Variants in FNIP1 observed in about 807,000 individuals in gnomAD.
FNIP1 encodes the protein folliculin-interacting protein 1.
In FNIP1, 40 loss-of-function variants were observed where a neutral mutation model predicts 124.5. The ratio of observed to expected loss-of-function variants is 0.32; its 90% CI spans 0.25 to 0.42. The LOEUF (loss-of-function observed/expected upper bound fraction) is 0.42. Ranked by LOEUF, FNIP1 falls within the 10% of genes least tolerant of loss-of-function variation. The pLI, the probability that FNIP1 is intolerant of heterozygous loss-of-function variation, is 1.00. For missense variants in FNIP1, 1,176 were observed against 1,403.7 expected (o/e 0.84, Z 2.59); for synonymous variants, 472 against 470.6 (o/e 1.00, Z -0.04).
chr5:131,750,543 T>C (rs777645319), intron 1 of FNIP1, among the ~76,000 whole-genome samples: 6 of 151,298 alleles, frequency 4.0e-5, no homozygotes, highest in Admixed American at 2.6e-4. Context: ...TTCAGGTAAG[T>C]CAATAGACTA....
chr5:131,672,133 C>T lies in FNIP1; in HGVS notation c.2311G>A (p.Ala771Thr), dbSNP rs779180787. Residue 771 changes from alanine to threonine, a missense_variant, in exon 14 of 18, where the codon GCA becomes ACA. By Grantham distance (58) the Ala-to-Thr change is moderately conservative (BLOSUM62 0). Around this residue, in one of 2 missense-constraint regions of FNIP1, gnomAD observed 1,109 missense variants for 1,288.5 expected, o/e 0.86. Coordinates refer to ENST00000510461, the MANE Select transcript of FNIP1 (RefSeq NM_133372.3). ...TGTCTGGTAATCTGATCCACCACTG[C>T]CTGACTTCGAAGCTCAGTATCTGAA... ...PDSDTELRSQAVVDQITRHHT... is the reference protein window; with the variant it reads ...PDSDTELRSQTVVDQITRHHT... 6.2e-7 allele frequency: 1 copy of T among 1,614,182 alleles called. No individual in the cohort carries two copies. Among genetic ancestry groups the T allele is most frequent in the Admixed American group, 1.7e-5 (1 of 60,018 alleles).
intron 17 of FNIP1, among the ~76,000 whole-genome samples, chr5:131,646,140 C>T (rs1266039253): frequency 2.0e-5 from 3 of 152,180 alleles, no homozygotes; most frequent in Non-Finnish European, 4.4e-5. Context: ...TTTCCAAATA[C>T]TGGAGAACAA....
At chr5:131,652,173 ATAT>A (rs575740098) in intron 15 of FNIP1, among the ~76,000 whole-genome samples, 174 bp from the exon 16 acceptor site, 55 of 152,346 alleles carry the variant, frequency 3.6e-4, no homozygotes, top group Non-Finnish European at 5.1e-4. Flanking sequence ...ACCCTGAGAC[ATAT>A]TATAGATATC....
intron 15 of FNIP1, among the ~76,000 whole-genome samples, chr5:131,653,740 A>G (rs1194730053): frequency 6.6e-6 from 1 of 152,058 alleles, no homozygotes; most frequent in Admixed American, 6.6e-5. Flanking sequence ...GAACTTTTAA[A>G]TTTTTATTTA....
intron 1 of FNIP1, among the ~76,000 whole-genome samples, chr5:131,788,390 C>T (rs1772285596): frequency 6.6e-6 from 1 of 151,990 alleles, no homozygotes; most frequent in South Asian, 2.1e-4. Flanking sequence ...GATCCAAGGC[C>T]AGGTGCAGTA....
chr5:131,743,039 C>T (rs190628570), intron 2 of FNIP1, among the ~76,000 whole-genome samples: 6 of 152,044 alleles, frequency 3.9e-5, no homozygotes, highest in African/African-American at 1.2e-4. Flanking sequence ...GTAACAAATA[C>T]ACATACGAAT....
chr5:131,736,621 C>A (rs186058862), intron 2 of FNIP1, among the ~76,000 whole-genome samples: 4 of 152,322 alleles, frequency 2.6e-5, no homozygotes, highest in African/African-American at 9.6e-5. Context: ...ATTAGATCCT[C>A]ATAGGAGTTC....
At chr5:131,705,630 T>C (rs1019401263) in intron 9 of FNIP1, among the ~76,000 whole-genome samples, 2 of 152,138 alleles carry the variant, frequency 1.3e-5, no homozygotes, top group Non-Finnish European at 2.9e-5. Flanking sequence ...CCATTGTGCA[T>C]TGCTGGTGGG....
chr5:131,727,605 C>T (rs186816747), intron 3 of FNIP1, among the ~76,000 whole-genome samples: 17 of 152,242 alleles, frequency 1.1e-4, no homozygotes, highest in Non-Finnish European at 1.8e-4. Flanking sequence ...GAATACAGCA[C>T]ACTCATGGGT....
intron 13 of FNIP1, 106 bp from the exon 14 acceptor site, chr5:131,673,030 T>G: frequency 1.2e-6 from 1 of 837,928 alleles, no homozygotes; most frequent in Non-Finnish European, 1.8e-6. Flanking sequence ...GAGTAATAGT[T>G]TAGGTTTTAC....
chr5:131,751,797 A>G (rs1770880501), intron 1 of FNIP1, among the ~76,000 whole-genome samples: 2 of 152,204 alleles, frequency 1.3e-5, no homozygotes, highest in African/African-American at 4.8e-5. Flanking sequence ...TGACTTGTCC[A>G]GAATAGGCAA....
At chr5:131,763,411 T>C (rs1291906425) in intron 1 of FNIP1, among the ~76,000 whole-genome samples, 6 of 152,086 alleles carry the variant, frequency 3.9e-5, no homozygotes, top group African/African-American at 1.4e-4. Context: ...TACCTGAGAC[T>C]GTGTAATTAA....
At chr5:131,700,204 G>A (rs1580766677) in intron 10 of FNIP1, among the ~76,000 whole-genome samples, 1 of 151,920 alleles carries the variant, frequency 6.6e-6, no homozygotes, top group Admixed American at 6.6e-5. Context: ...AGATGGTCTC[G>A]ATCTCTTGAC....
Position 131,760,775 on chromosome 5 carries a change from C to G in FNIP1, c.93-16085G>C, listed in dbSNP as rs75579730. ...CCTACATGGAATAGAAAAAGAGGAGCCAAGTTTCAAAAGCTATGCATGTAG... is the reference window on the plus strand; with the variant it reads ...CCTACATGGAATAGAAAAAGAGGAGGCAAGTTTCAAAAGCTATGCATGTAG... On this transcript the variant is annotated intron_variant, in intron 1 of 17. Coordinates refer to ENST00000510461, the MANE Select transcript of FNIP1 (RefSeq NM_133372.3). Among the ~76,000 whole-genome samples, 713 of 151,958 alleles carry G rather than the reference C, an allele frequency of 4.7e-3. 8 individuals are homozygous for G. The highest frequency in any genetic ancestry group is 0.016 in the African/African-American group (677 of 41,434).
intron 15 of FNIP1, among the ~76,000 whole-genome samples, chr5:131,654,783 T>C (rs999282130): frequency 1.3e-5 from 2 of 152,002 alleles, no homozygotes; most frequent in African/African-American, 4.8e-5. Flanking sequence ...GAATCAGAAA[T>C]AGAAGTAGAT....
In FNIP1 at chr5:131,661,431, G is replaced by C. The variant is rs545112122; in HGVS notation, c.3108+9032C>G. On this transcript the variant is annotated intron_variant, in intron 15 of 17. Coordinates refer to ENST00000510461, the MANE Select transcript of FNIP1 (RefSeq NM_133372.3). ...ATCACCCAGTGAATTCCCAGTCAGA[G>C]GTCATCCCTCCCTACCTTGAGGGGA... is the stretch of plus-strand genomic sequence containing the variant. 2.1e-4 allele frequency among the ~76,000 whole-genome samples: 32 copies of C among 152,158 alleles called. No individual in the cohort carries two copies. In the South Asian group the frequency reaches 6.6e-3, roughly 32 times the overall value.
intron 13 of FNIP1, among the ~76,000 whole-genome samples, chr5:131,673,597 T>C (rs1436499462): frequency 1.3e-5 from 2 of 152,190 alleles, no homozygotes; most frequent in East Asian, 1.9e-4. Flanking sequence ...TGAAGTACTA[T>C]GTACACAAGG....
intron 11 of FNIP1, among the ~76,000 whole-genome samples, chr5:131,688,636 C>G (rs1197444967): frequency 2.1e-5 from 3 of 144,416 alleles, no homozygotes; most frequent in Non-Finnish European, 4.5e-5. Flanking sequence ...AGACAACATG[C>G]AAGACCAAAT....
rs184730388 is a variant in FNIP1 at position 131,701,023 on chromosome 5, C to T, written c.1117-2021G>A. Among the ~76,000 whole-genome samples the T allele has an allele frequency of 7.7e-4, 117 of 152,274 alleles. 1 individual carries two copies. The East Asian group carries it at 0.021, about 28-fold the overall frequency. On this transcript the variant is annotated intron_variant, in intron 10 of 17. Coordinates refer to ENST00000510461, the MANE Select transcript of FNIP1 (RefSeq NM_133372.3). ...CCAGCCTCTGGGCCGTGGACCAGTA[C>T]CCGTCAGTGGCCTGTCAGGAATTGG...
Sources: gnomAD v4.1 joint callset for allele counts (sites outside exome capture counted in the v4.1 genomes callset) on GRCh38, gnomAD v4.1.1 for gene constraint, gnomAD v4.1.1 regional missense constraint, MANE v1.5 for transcripts, NCBI Gene and HGNC (gene_info 2026-07-23, HGNC 2026-07-21) for gene names.